Variants in SP4 observed in about 807,000 individuals in gnomAD.
The protein encoded by SP4 is Sp4 transcription factor, also known as transcription factor Sp4.
SP4 carries 19 observed loss-of-function variants against 72.8 expected under a neutral mutation model. The ratio of observed to expected loss-of-function variants is 0.26; its 90% CI spans 0.18 to 0.38. SP4 has a LOEUF of 0.38. SP4 is among the 10% of genes least tolerant of loss of function. The pLI, the probability that SP4 is intolerant of heterozygous loss-of-function variation, is 1.00. For missense variants in SP4, 1,008 were observed against 926.3 expected (o/e 1.09, Z -1.14); for synonymous variants, 395 against 333.1 (o/e 1.19, Z -2.02).
At chr7:21,428,825 G>A in intron 2 of SP4, 33 bp downstream of exon 2, 1 of 1,493,698 alleles carries the variant, frequency 6.7e-7, no homozygotes, top group Non-Finnish European at 9.1e-7. Context: ...AATTCATCAC[G>A]ACACATTAGG....
chr7:21,493,575 C>T (rs961621502), intron 5 of SP4, among the ~76,000 whole-genome samples: 4 of 152,094 alleles, frequency 2.6e-5, no homozygotes, highest in African/African-American at 9.7e-5. Flanking sequence ...AACTCTACAA[C>T]CTAAATTTGA....
chr7:21,498,281 G>A (rs1338951020), intron 5 of SP4, among the ~76,000 whole-genome samples: 2 of 152,108 alleles, frequency 1.3e-5, no homozygotes, highest in African/African-American at 4.8e-5. Flanking sequence ...TATATGGGAG[G>A]ATGTGTGTAG....
chr7:21,453,369 A>G (rs576157112), intron 3 of SP4, among the ~76,000 whole-genome samples: 71 of 152,368 alleles, frequency 4.7e-4, no homozygotes, highest in African/African-American at 1.6e-3. Flanking sequence ...AAAACAAGGT[A>G]ACAATTATCT....
At chr7:21,428,603 G>C in intron 1 of SP4, 74 bp from the exon 2 acceptor site, 1 of 1,400,548 alleles carries the variant, frequency 7.1e-7, no homozygotes, top group Non-Finnish European at 9.7e-7. Context: ...GGGAGAAGAG[G>C]AGAGGAAGAA....
Position 21,511,129 on chromosome 7 carries a change from C to A in SP4, c.2215C>A (p.Leu739Ile), listed in dbSNP as rs1396728398. The A allele has an allele frequency of 6.2e-7, 1 of 1,614,198 alleles. No individual in the cohort carries two copies. The highest frequency in any genetic ancestry group is 1.7e-5 in the Admixed American group (1 of 60,024). ...HQNKKGGGTA[L>I]AIVTSGELDS... ...GAATAAAAAAGGTGGTGGGACAGCT[C>A]TTGCCATTGTTACCTCGGGAGAACT... The change falls in exon 6 of 6, where the codon CTT (leucine) becomes ATT (isoleucine). Residue 739 changes from leucine (L) to isoleucine (I), a missense_variant. Transcript: ENST00000222584.
chr7:21,442,153 C>G (rs1003283927), intron 3 of SP4, among the ~76,000 whole-genome samples: 4 of 151,526 alleles, frequency 2.6e-5, no homozygotes, highest in Non-Finnish European at 4.4e-5. Context: ...ATTCTCCTCC[C>G]TCAGCCTCCC....
chr7:21,433,678 C>T (rs1029555773), intron 3 of SP4, among the ~76,000 whole-genome samples: 4 of 152,214 alleles, frequency 2.6e-5, no homozygotes, highest in African/African-American at 9.6e-5. Flanking sequence ...CAGTGGCACA[C>T]GCCTGTAATC....
At chr7:21,477,771 C>A (rs1219794542) in intron 4 of SP4, among the ~76,000 whole-genome samples, 2 of 152,186 alleles carry the variant, frequency 1.3e-5, no homozygotes, top group Non-Finnish European at 2.9e-5. Context: ...GAACTCCTGA[C>A]CTCAGGTGAT....
intron 5 of SP4, among the ~76,000 whole-genome samples, chr7:21,495,499 T>C (rs1308199021): frequency 1.3e-5 from 2 of 151,976 alleles, no homozygotes; most frequent in South Asian, 4.1e-4. Flanking sequence ...ATGTCTGATA[T>C]CATCTATTAG....
At chr7:21,445,142 G>T (rs146008942) in intron 3 of SP4, among the ~76,000 whole-genome samples, 2 of 152,088 alleles carry the variant, frequency 1.3e-5, no homozygotes, top group African/African-American at 4.8e-5. Context: ...GAATATAAGC[G>T]CAATAAGAGT....
intron 3 of SP4, among the ~76,000 whole-genome samples, chr7:21,457,431 T>G (rs1265722786): frequency 2.0e-5 from 3 of 152,230 alleles, no homozygotes; most frequent in Non-Finnish European, 4.4e-5. Context: ...TTGCATGTGG[T>G]TGGTGCTTAA....
At chr7:21,482,208 G>T in intron 5 of SP4, 85 bp downstream of exon 5, 2 of 1,042,254 alleles carry the variant, frequency 1.9e-6, no homozygotes, top group South Asian at 1.4e-5. Flanking sequence ...CTATCAAATT[G>T]GAAATATGCA....
chr7:21,496,882 GATTA>G (rs1394051813), intron 5 of SP4, among the ~76,000 whole-genome samples: 1 of 152,186 alleles, frequency 6.6e-6, no homozygotes, highest in Non-Finnish European at 1.5e-5. Flanking sequence ...ATTAGGCACA[GATTA>G]GTTAGGGCCT....
chr7:21,428,203 C>CCCCCCCCA lies in SP4; in HGVS notation c.-49_-48insCCCCCCCA. ...CTCCCGCCTCGCCCCCACCCCCACC[C>CCCCCCCCA]ACCTCTATCCCAGTGTCTCCGTCTG... On this transcript the variant is annotated 5_prime_UTR_variant, in exon 1 of 6. Coordinates refer to ENST00000222584, the MANE Select transcript of SP4 (RefSeq NM_003112.5). 6.6e-6 allele frequency: 8 copies of CCCCCCCCA among 1,216,668 alleles called. No individual in the cohort carries two copies. The highest frequency in any genetic ancestry group is 2.8e-5 in the East Asian group (1 of 35,130). 75.4% of individuals were successfully genotyped at this position (1,216,668 alleles called of 1,614,324 possible).
rs1782830615 is a variant in SP4, at chr7:21,430,940, A to G, written c.1678+97A>G. On this transcript the variant is annotated intron_variant, in intron 3 of 5. Coordinates refer to ENST00000222584, the MANE Select transcript of SP4 (RefSeq NM_003112.5). ...TCTAAGGTTTGACGTAGACCTCTGAAGTAAACACACAATCATAAGGAACCA... is the reference window on the plus strand; with the variant it reads ...TCTAAGGTTTGACGTAGACCTCTGAGGTAAACACACAATCATAAGGAACCA... 4.8e-6 allele frequency: 4 copies of G among 839,308 alleles called. No individual in the cohort carries two copies. The South Asian group carries it at 5.1e-5, about 11-fold the overall frequency. 52.0% of individuals were successfully genotyped at this position (839,308 alleles called of 1,614,324 possible).
intron 5 of SP4, among the ~76,000 whole-genome samples, chr7:21,500,801 A>C (rs1781844140): frequency 6.6e-6 from 1 of 152,180 alleles, no homozygotes. Context: ...GCACTACTGG[A>C]TAATTCAGAA....
chr7:21,434,290 G>C (rs1248776484), intron 3 of SP4, among the ~76,000 whole-genome samples: 1 of 152,188 alleles, frequency 6.6e-6, no homozygotes, highest in Admixed American at 6.5e-5. Flanking sequence ...CTCTTCAGGA[G>C]ATTAAGGGAA....
At chr7:21,448,535 C>G (rs1243033420) in intron 3 of SP4, among the ~76,000 whole-genome samples, 1 of 152,006 alleles carries the variant, frequency 6.6e-6, no homozygotes. Context: ...GGTTCAATTC[C>G]CTGTTCTTTT....
At chr7:21,460,247 A>C (rs1285712235) in intron 3 of SP4, among the ~76,000 whole-genome samples, 1 of 152,134 alleles carries the variant, frequency 6.6e-6, no homozygotes, top group Non-Finnish European at 1.5e-5. Flanking sequence ...GCATGTCCAG[A>C]GTTTGTTCCT....
Sources: gnomAD v4.1 joint callset for allele counts (sites outside exome capture counted in the v4.1 genomes callset) on GRCh38, gnomAD v4.1.1 for gene constraint, MANE v1.5 for transcripts, NCBI Gene and HGNC (gene_info 2026-07-23, HGNC 2026-07-21) for gene names.